Variants in CSMD1 observed in about 807,000 individuals in gnomAD.
The protein encoded by CSMD1 is CUB and sushi domain-containing protein 1.
Under a neutral mutation model 417.5 loss-of-function variants are expected in CSMD1, and 213 were observed. That is an observed-to-expected ratio of 0.51 (90% CI 0.46 to 0.57). The LOEUF (loss-of-function observed/expected upper bound fraction) is 0.57, where lower values mean the gene tolerates loss of function less well. Ranked by LOEUF, CSMD1 falls within the 20% of genes least tolerant of loss-of-function variation. The probability of loss-of-function intolerance (pLI) is 0.00; values close to 1 mark genes in which losing one functional copy is unlikely to be tolerated. For missense variants in CSMD1, 6,923 were observed against 4,529.7 expected, an observed-to-expected ratio of 1.53 and a Z score of -15.17; for synonymous variants, 2,862 against 1,736.8, an observed-to-expected ratio of 1.65 and a Z score of -16.11.
At chr8:4,271,688 A>G (rs1167986055) in intron 3 of CSMD1, among the ~76,000 whole-genome samples, 3 of 152,198 alleles carry the variant, frequency 2.0e-5, no homozygotes, top group South Asian at 2.1e-4. Flanking sequence ...ATACATCACT[A>G]TATGTATATT....
At chr8:3,361,562 G>A (rs768055567) in intron 20 of CSMD1, among the ~76,000 whole-genome samples, 2 of 141,132 alleles carry the variant, frequency 1.4e-5, no homozygotes, top group Non-Finnish European at 3.0e-5. Context: ...CGAGGCAGAA[G>A]AATCGCTTGA....
At chr8:3,482,132 G>T (rs910717173) in intron 11 of CSMD1, among the ~76,000 whole-genome samples, 1 of 152,042 alleles carries the variant, frequency 6.6e-6, no homozygotes, top group Non-Finnish European at 1.5e-5. Context: ...AGGGGAATGA[G>T]AACCAGAAAT....
chr8:4,992,405 C>A (rs1448652284), intron 1 of CSMD1, among the ~76,000 whole-genome samples: 1 of 152,222 alleles, frequency 6.6e-6, no homozygotes, highest in Non-Finnish European at 1.5e-5. Context: ...CTCGAGGGAA[C>A]CGAGAGTGAG....
intron 3 of CSMD1, among the ~76,000 whole-genome samples, chr8:4,353,887 A>G (rs1477506647): frequency 6.6e-6 from 1 of 152,188 alleles, no homozygotes; most frequent in African/African-American, 2.4e-5. Context: ...GTGCCAGGGA[A>G]AAGAGCATGT....
chr8:3,438,134 TG>T (rs1388379222), intron 12 of CSMD1, among the ~76,000 whole-genome samples: 3 of 152,228 alleles, frequency 2.0e-5, no homozygotes, highest in African/African-American at 7.2e-5. Flanking sequence ...ATCTGTGATT[TG>T]GTAAATAATT....
chr8:4,019,716 G>A lies in CSMD1; in HGVS notation c.610+12189C>T, dbSNP rs558930515. On this transcript the variant is annotated intron_variant, in intron 4 of 69. Transcript: ENST00000635120. Reference sequence around the variant, plus strand: ...TGCTTTGTCAGTTATTTACATGCACGTGGGTATGAATGTGCCTGTTGTAGA... The same window carrying A: ...TGCTTTGTCAGTTATTTACATGCACATGGGTATGAATGTGCCTGTTGTAGA... 5.9e-5 allele frequency among the ~76,000 whole-genome samples: 9 copies of A among 152,194 alleles called. No homozygotes were observed. In the East Asian group the frequency reaches 1.2e-3, roughly 20 times the overall value.
chr8:3,831,389 G>T (rs1213581725), intron 5 of CSMD1, among the ~76,000 whole-genome samples: 1 of 152,116 alleles, frequency 6.6e-6, no homozygotes, highest in Admixed American at 6.6e-5. Context: ...AGAGACAAAT[G>T]ATTCTTGGAA....
intron 1 of CSMD1, among the ~76,000 whole-genome samples, chr8:4,827,813 C>A (rs1436740199): frequency 6.6e-6 from 1 of 152,152 alleles, no homozygotes; most frequent in Non-Finnish European, 1.5e-5. Context: ...AAAATTTTTA[C>A]TGTAATCTAC....
intron 1 of CSMD1, among the ~76,000 whole-genome samples, chr8:4,758,477 G>A (rs989233590): frequency 2.0e-5 from 3 of 152,166 alleles, no homozygotes; most frequent in East Asian, 3.9e-4. Context: ...GCTCAGAAAA[G>A]AAAGAGATCC....
At chr8:3,239,472 A>G (rs1799358092) in intron 26 of CSMD1, among the ~76,000 whole-genome samples, 1 of 152,200 alleles carries the variant, frequency 6.6e-6, no homozygotes, top group Non-Finnish European at 1.5e-5. Context: ...ACCTAGACCA[A>G]GAGGTATTTT....
At chr8:4,703,873 G>A (rs1346399405) in intron 1 of CSMD1, among the ~76,000 whole-genome samples, 1 of 152,144 alleles carries the variant, frequency 6.6e-6, no homozygotes, top group Non-Finnish European at 1.5e-5. Flanking sequence ...TGGACAGCAG[G>A]GTTGGGGGAC....
At chr8:4,305,620 C>G (rs1798203412) in intron 3 of CSMD1, among the ~76,000 whole-genome samples, 1 of 152,128 alleles carries the variant, frequency 6.6e-6, no homozygotes, top group African/African-American at 2.4e-5. Context: ...CCACGTAAGA[C>G]CGTTTTAGCT....
At chr8:2,943,334 T>C (rs555437838) in intron 68 of CSMD1, among the ~76,000 whole-genome samples, 1 of 152,042 alleles carries the variant, frequency 6.6e-6, no homozygotes, top group East Asian at 1.9e-4. Flanking sequence ...TTCTAGTGAT[T>C]CTCCTGCCTC....
At chr8:4,388,118 G>T (rs761639767) in intron 3 of CSMD1, among the ~76,000 whole-genome samples, 1 of 152,052 alleles carries the variant, frequency 6.6e-6, no homozygotes, top group Non-Finnish European at 1.5e-5. Flanking sequence ...TCTCTGCCCA[G>T]CTAAATGTAA....
intron 12 of CSMD1, among the ~76,000 whole-genome samples, chr8:3,433,415 T>C (rs1814348941): frequency 6.6e-6 from 1 of 152,228 alleles, no homozygotes; most frequent in South Asian, 2.1e-4. Context: ...ACTTTCTTAA[T>C]ATCCCCTTTG....
chr8:3,510,634 G>A (rs1251922111), intron 10 of CSMD1, among the ~76,000 whole-genome samples: 2 of 151,726 alleles, frequency 1.3e-5, no homozygotes, highest in East Asian at 1.9e-4. Context: ...AATAACATAC[G>A]ATAAAAAAAT....
chr8:3,157,906 G>T lies in CSMD1; in HGVS notation c.5905C>A (p.Leu1969Met). ...GAAGGTGCATCCTTACCAATGCACA[G>T]GGGAGACGGATAGTTCCAACGGCGA... is the stretch of plus-strand genomic sequence containing the variant. ...TVRRWNYPSPLCIATCGGTLS... is the reference protein window; with the variant it reads ...TVRRWNYPSPMCIATCGGTLS... Residue 1969 changes from leucine (L) to methionine (M), a missense_variant, in exon 39 of 70, where the codon CTG (leucine) becomes ATG (methionine). Coordinates refer to ENST00000635120, the MANE Select transcript of CSMD1 (RefSeq NM_033225.6). 1.9e-6 allele frequency: 3 copies of T among 1,553,846 alleles called. No individual in the cohort carries two copies. In the South Asian group the frequency reaches 3.6e-5, roughly 18 times the overall value.
At chr8:3,295,647 C>T (rs768145331) in intron 25 of CSMD1, among the ~76,000 whole-genome samples, 1 of 152,158 alleles carries the variant, frequency 6.6e-6, no homozygotes, top group Non-Finnish European at 1.5e-5. Flanking sequence ...GATTTGCTAA[C>T]TCGCTCTCCC....
intron 10 of CSMD1, among the ~76,000 whole-genome samples, chr8:3,516,269 T>C (rs74958502): frequency 0.011 from 1,626 of 152,346 alleles, 27 homozygotes; most frequent in African/African-American, 0.037. Flanking sequence ...TGCATAGGTA[T>C]GGAGCTCCAG....
Sources: gnomAD v4.1 joint callset for allele counts (sites outside exome capture counted in the v4.1 genomes callset) on GRCh38, gnomAD v4.1.1 for gene constraint, MANE v1.5 for transcripts, NCBI Gene and HGNC (gene_info 2026-07-23, HGNC 2026-07-21) for gene names.